NEB: variants seen among roughly 807,000 people sequenced by gnomAD.
NEB encodes the protein nemaline myopathy type 2.
Under a neutral mutation model 952.2 loss-of-function variants are expected in NEB, and 512 were observed. That is an observed-to-expected ratio of 0.54 (90% confidence interval 0.50 to 0.58). The LOEUF (loss-of-function observed/expected upper bound fraction) is 0.58, where lower values mean the gene tolerates loss of function less well. Among genes scored for constraint, NEB ranks in the 20% least tolerant of loss-of-function variants. The pLI, the probability that NEB is intolerant of heterozygous loss-of-function variation, is 0.00. For missense variants in NEB, 8,428 were observed against 9,231.1 expected (o/e 0.91, Z 3.56); for synonymous variants, 2,900 against 3,149.8 (o/e 0.92, Z 2.66).
rs1250003491 is a variant in NEB, at chr2:151,485,732, T to C, written c.*28A>G. 5 of 1,581,698 alleles carry C rather than the reference T, an allele frequency of 3.2e-6. No individual in the cohort carries two copies. Among genetic ancestry groups the C allele is most frequent in the Non-Finnish European group, 4.3e-6 (5 of 1,159,350 alleles). Reference sequence around the variant, plus strand: ...CATTGACTGCAGGATCTGTAAGTCCTGCAGACAAGTGTGATGCTTTGAAAT... The same window carrying C: ...CATTGACTGCAGGATCTGTAAGTCCCGCAGACAAGTGTGATGCTTTGAAAT... On this transcript the variant is annotated 3_prime_UTR_variant, in exon 182 of 182. Transcript: ENST00000397345.
intron 126 of NEB, 136 bp downstream of exon 126, chr2:151,553,692 T>C (rs1258869414): frequency 2.0e-6 from 2 of 987,696 alleles, no homozygotes; most frequent in Non-Finnish European, 2.9e-6. Context: ...AGCTCTGAAG[T>C]CAAGTTGGAC....
Position 151,497,740 on chromosome 2 carries a change from A to G in NEB, c.24208-22T>C, listed in dbSNP as rs1420074082. On this transcript the variant is annotated intron_variant, in intron 170 of 181. Coordinates refer to ENST00000397345, the MANE Select transcript of NEB (RefSeq NM_001164508.2). The stretch of plus-strand genomic sequence containing the variant: ...ACACCTGTGCGATAAGAAAGCATCC[A>G]GAAAAACAACCATGAGTAACATTTC... 4 of 1,559,888 alleles carry G rather than the reference A, an allele frequency of 2.6e-6. No individual in the cohort carries two copies. In the Admixed American group the frequency reaches 5.8e-5, roughly 23 times the overall value.
At chr2:151,679,887 T>C (rs991737513) in intron 31 of NEB, 31 bp downstream of exon 31, 6 of 1,604,330 alleles carry the variant, frequency 3.7e-6, no homozygotes, top group Non-Finnish European at 5.1e-6. Flanking sequence ...AGTCTGGACA[T>C]ACGCATCAGC....
At chr2:151,494,328 A>G (rs897856145) in intron 173 of NEB, 75 bp from the exon 174 acceptor site, 3 of 982,766 alleles carry the variant, frequency 3.1e-6, no homozygotes, top group African/African-American at 3.3e-5. Flanking sequence ...AATGGTACAG[A>G]TAACTTTTGA....
rs1553683478 is a variant in NEB, at chr2:151,535,759, CTGACTT to C, written c.21238_21243del (p.Lys7080_Ser7081del). On this transcript the variant is annotated inframe_deletion, in exon 142 of 182. Coordinates refer to ENST00000397345, the MANE Select transcript of NEB (RefSeq NM_001164508.2). ...GGAGAGTCGGCAACATACTTGAAATCTGACTTTGTCCTTTCAAATACTTCTTTATAC... is the reference window on the plus strand; with the variant it reads ...GGAGAGTCGGCAACATACTTGAAATCTGTCCTTTCAAATACTTCTTTATAC... The C allele has an allele frequency of 6.2e-7, 1 of 1,607,094 alleles. No homozygotes were observed. The highest frequency in any genetic ancestry group is 8.5e-7 in the Non-Finnish European group (1 of 1,176,194).
Position 151,575,830 on chromosome 2 carries a change from C to A in NEB, c.16909-31G>T, listed in dbSNP as rs747498755. 2.9e-5 allele frequency: 41 copies of A among 1,426,534 alleles called. No individual in the cohort carries two copies. The African/African-American group carries it at 3.9e-4, about 14-fold the overall frequency. 88.4% of individuals were successfully genotyped at this position (1,426,534 alleles called of 1,614,324 possible). ...GAAAGAAACAAAAATAATAAAATTA[C>A]TTCACAATTTTCATGTTGCTAGTCC... On this transcript the variant is annotated intron_variant, in intron 106 of 181. Transcript: ENST00000397345.
In NEB at chr2:151,514,311, G is replaced by A; in HGVS notation, c.23127+7C>T. On this transcript the variant is annotated splice_region_variant and intron_variant, in intron 159 of 181. Transcript: ENST00000397345. Reference sequence around the variant, plus strand: ...AATTACGTGCAGGCAGTCAGCTGTGGGCCTACCTCATTGAGGATTTGAGTG... The same window carrying A: ...AATTACGTGCAGGCAGTCAGCTGTGAGCCTACCTCATTGAGGATTTGAGTG... 1 of 1,583,766 alleles carries A rather than the reference G, an allele frequency of 6.3e-7. No homozygotes were observed. The highest frequency in any genetic ancestry group is 8.7e-7 in the Non-Finnish European group (1 of 1,152,480).
Position 151,512,718 on chromosome 2 carries a change from G to C in NEB, c.23346+15C>G, listed in dbSNP as rs752650720. 1 of 1,578,290 alleles carries C rather than the reference G, an allele frequency of 6.3e-7. No homozygotes were observed. Among genetic ancestry groups the C allele is most frequent in the South Asian group, 1.1e-5 (1 of 89,990 alleles). On this transcript the variant is annotated intron_variant, in intron 161 of 181. Coordinates refer to ENST00000397345, the MANE Select transcript of NEB (RefSeq NM_001164508.2). ...GATTGGGGTTTATGAGTGATGGCAT[G>C]ACGAATGTCCTTACCTGGCTTGAAA...
chr2:151,601,208 A>C (rs2097518862), intron 88 of NEB, among the ~76,000 whole-genome samples: 1 of 105,048 alleles, frequency 9.5e-6, no homozygotes, highest in African/African-American at 4.4e-5. Context: ...TCCTGGGTTC[A>C]AGTGATTCTC....
At chr2:151,572,935 A>G (rs1334449508) in intron 107 of NEB, among the ~76,000 whole-genome samples, 1 of 152,028 alleles carries the variant, frequency 6.6e-6, no homozygotes, top group African/African-American at 2.4e-5. Flanking sequence ...CTTTGAGAAC[A>G]TGGGAAAATT....
chr2:151,552,614 G>T, intron 128 of NEB, 58 bp downstream of exon 128: 1 of 1,251,620 alleles, frequency 8.0e-7, no homozygotes, highest in Non-Finnish European at 1.2e-6. Flanking sequence ...TGCCACCTCT[G>T]CTTGAGTGGT....
intron 112 of NEB, 37 bp downstream of exon 112, chr2:151,568,279 C>A (rs775814036): frequency 6.2e-7 from 1 of 1,601,620 alleles, no homozygotes; most frequent in Non-Finnish European, 8.6e-7. Context: ...GCCCTCCACT[C>A]GTACACAAAC....
chr2:151,684,133 G>T (rs1237287754), intron 28 of NEB, among the ~76,000 whole-genome samples: 1 of 152,154 alleles, frequency 6.6e-6, no homozygotes, highest in East Asian at 1.9e-4. Flanking sequence ...AGGCTCTGCA[G>T]ATTGGTTGTA....
Position 151,662,096 on chromosome 2 carries a change from T to C in NEB, c.5970+39A>G, listed in dbSNP as rs759622164. ...AAATGTAAATTATACCTGGATTCTC[T>C]CTGATGCATATGAAACACTGCATTA... On this transcript the variant is annotated intron_variant, in intron 46 of 181. Coordinates refer to ENST00000397345, the MANE Select transcript of NEB (RefSeq NM_001164508.2). The C allele has an allele frequency of 2.0e-6, 3 of 1,533,378 alleles. No homozygotes were observed. The South Asian group carries it at 3.5e-5, about 18-fold the overall frequency. The allele number at this position is 1,533,378 out of a possible 1,614,324, so 95.0% of individuals were successfully genotyped here.
At chr2:151,495,001 C>T (rs2059277231) in intron 173 of NEB, 1 of 152,262 alleles carries the variant, frequency 6.6e-6, no homozygotes, top group South Asian at 2.1e-4. Flanking sequence ...CTCTCATAGA[C>T]ATATCAGTAA....
chr2:151,658,709 C>T (rs1228355382), intron 47 of NEB, among the ~76,000 whole-genome samples: 1 of 152,208 alleles, frequency 6.6e-6, no homozygotes, highest in Admixed American at 6.5e-5. Context: ...TTAGAACCAT[C>T]TCAAAGGCTT....
chr2:151,611,437 T>C (rs1490477344), intron 78 of NEB, among the ~76,000 whole-genome samples: 3 of 152,220 alleles, frequency 2.0e-5, no homozygotes, highest in Non-Finnish European at 4.4e-5. Flanking sequence ...TTGATGGATA[T>C]AGTATAAAAG....
chr2:151,501,111 G>GTT (rs1265890926), intron 168 of NEB, among the ~76,000 whole-genome samples: 1 of 151,820 alleles, frequency 6.6e-6, no homozygotes, highest in African/African-American at 2.4e-5. Context: ...TTAGTGTTTG[G>GTT]TTTTTCTTTT....
chr2:151,640,222 AT>A, intron 61 of NEB, 132 bp downstream of exon 61: 1 of 1,478,524 alleles, frequency 6.8e-7, no homozygotes, highest in Non-Finnish European at 9.2e-7. Context: ...AAGGATTAAA[AT>A]TCCTGTCGAT....
Sources: gnomAD v4.1 joint callset for allele counts (sites outside exome capture counted in the v4.1 genomes callset) on GRCh38, gnomAD v4.1.1 for gene constraint, MANE v1.5 for transcripts, NCBI Gene and HGNC (gene_info 2026-07-23, HGNC 2026-07-21) for gene names.